ATP2B1: variants seen among roughly 807,000 people sequenced by gnomAD.
ATP2B1 encodes ATPase plasma membrane Ca2+ transporting 1, also known as plasma membrane calcium-transporting ATPase 1.
In ATP2B1, 14 loss-of-function variants were observed where a neutral mutation model predicts 124.2. The observed-to-expected ratio is 0.11, with a 90% CI of 0.07 to 0.18. ATP2B1 has a LOEUF of 0.18. ATP2B1 is among the 10% of genes least tolerant of loss of function. The probability of loss-of-function intolerance (pLI) is 1.00; values close to 1 mark genes in which losing one functional copy is unlikely to be tolerated. For synonymous variants in ATP2B1, 449 were observed against 492.4 expected (o/e 0.91, Z 1.17); for missense variants, 763 against 1,466.1 (o/e 0.52, Z 7.83).
intron 1 of ATP2B1, among the ~76,000 whole-genome samples, chr12:89,673,403 A>G (rs1888232118): frequency 1.3e-5 from 2 of 152,208 alleles, no homozygotes; most frequent in African/African-American, 4.8e-5. Context: ...TAAATATAAA[A>G]GCACTTCTGA....
chr12:89,677,969 TATACACACACACACAC>T (rs1456100954), intron 1 of ATP2B1, among the ~76,000 whole-genome samples: 2 of 59,538 alleles, frequency 3.4e-5, no homozygotes, highest in Admixed American at 1.9e-4. Flanking sequence ...TATATATATA[TATACACACACACACAC>T]ACACACACAC....
rs937781498 is a variant in ATP2B1 at position 89,702,250 on chromosome 12, C to A, written c.-222+6346G>T. Among the ~76,000 whole-genome samples the A allele has an allele frequency of 2.0e-5, 3 of 152,020 alleles. No homozygotes were observed. In the East Asian group the frequency reaches 5.8e-4, roughly 29 times the overall value. On this transcript the variant is annotated intron_variant, in intron 1 of 20. Coordinates refer to ENST00000428670, the MANE Select transcript of ATP2B1 (RefSeq NM_001366521.1). ...AAATCCCTATTAATATTTTTTGGAA[C>A]CAGCATTCTAAAACACAATTTAGAA...
intron 12 of ATP2B1, among the ~76,000 whole-genome samples, chr12:89,612,827 C>T (rs1878272133): frequency 6.6e-6 from 1 of 152,130 alleles, no homozygotes. Context: ...GGACCTTTAC[C>T]TTATCTTTGC....
chr12:89,644,546 GA>G (rs371864870), intron 2 of ATP2B1, among the ~76,000 whole-genome samples: 19 of 141,670 alleles, frequency 1.3e-4, no homozygotes, highest in African/African-American at 3.1e-4. Context: ...AAAAAAAAAA[GA>G]AAAAAAAAAG....
intron 1 of ATP2B1, among the ~76,000 whole-genome samples, chr12:89,686,961 C>G (rs1183593526): frequency 1.3e-5 from 2 of 152,012 alleles, no homozygotes; most frequent in African/African-American, 2.4e-5. Flanking sequence ...TTGACCCTCT[C>G]TATCTGTGGG....
intron 2 of ATP2B1, among the ~76,000 whole-genome samples, chr12:89,651,140 G>C (rs1311263696): frequency 6.6e-6 from 1 of 152,186 alleles, no homozygotes; most frequent in Non-Finnish European, 1.5e-5. Flanking sequence ...TTTTTAATAT[G>C]AAAATTATAT....
At position 89,590,722 on chromosome 12, in the gene ATP2B1, A is replaced by G. The variant is rs1424041626; in HGVS notation, c.*262T>C. 2.5e-6 allele frequency: 1 copy of G among 402,718 alleles called. No homozygotes were observed. Among genetic ancestry groups the G allele is most frequent in the Middle Eastern group, 7.3e-4 (1 of 1,364 alleles). The allele number at this position is 402,718 out of a possible 1,614,324, so 24.9% of individuals were successfully genotyped here. A position where few individuals can be genotyped will look rare whatever the true frequency, so the allele number is the denominator to read the frequency against. ...ACACTGTTCAGGACCATGCTTGGGT[A>G]CTACTGATGATCCACAGGTCACTTA... On this transcript the variant is annotated 3_prime_UTR_variant, in exon 21 of 21. Transcript: ENST00000428670.
At chr12:89,686,367 C>A (rs1170232904) in intron 1 of ATP2B1, among the ~76,000 whole-genome samples, 1 of 152,072 alleles carries the variant, frequency 6.6e-6, no homozygotes, top group Non-Finnish European at 1.5e-5. Flanking sequence ...AAAGACCAGA[C>A]CCCCTTCTCA....
intron 18 of ATP2B1, among the ~76,000 whole-genome samples, 154 bp from the exon 19 acceptor site, chr12:89,601,587 T>G (rs1367166613): frequency 6.6e-6 from 1 of 152,182 alleles, no homozygotes; most frequent in Non-Finnish European, 1.5e-5. Flanking sequence ...ATAAGACAAC[T>G]GAAATAGACC....
chr12:89,611,132 G>A, intron 13 of ATP2B1, 61 bp downstream of exon 13: 1 of 1,442,724 alleles, frequency 6.9e-7, no homozygotes. Context: ...TGTTTGTTGA[G>A]TTAAATTCCT....
chr12:89,606,825 C>T (rs1319353543), intron 15 of ATP2B1, among the ~76,000 whole-genome samples: 3 of 152,086 alleles, frequency 2.0e-5, no homozygotes, highest in Non-Finnish European at 4.4e-5. Flanking sequence ...ATCCACCCGC[C>T]TCGGCCTCCC....
At chr12:89,706,927 T>C (rs962035181) in intron 1 of ATP2B1, among the ~76,000 whole-genome samples, 3 of 152,166 alleles carry the variant, frequency 2.0e-5, no homozygotes, top group African/African-American at 7.2e-5. Flanking sequence ...AATTTAGCTG[T>C]CTTATCTAAA....
chr12:89,610,293 G>A (rs916725867), intron 14 of ATP2B1, 128 bp downstream of exon 14: 2 of 871,382 alleles, frequency 2.3e-6, no homozygotes, highest in Non-Finnish European at 3.6e-6. Flanking sequence ...CAAAGGAAAT[G>A]TATTTAGATT....
chr12:89,688,587 A>G (rs1300699383), intron 1 of ATP2B1, among the ~76,000 whole-genome samples: 2 of 152,088 alleles, frequency 1.3e-5, no homozygotes, highest in East Asian at 3.8e-4. Flanking sequence ...CTAGTATCTG[A>G]AACTATAGGT....
At chr12:89,612,069 C>T (rs1878118274) in intron 12 of ATP2B1, 1 of 152,190 alleles carries the variant, frequency 6.6e-6, no homozygotes, top group Admixed American at 6.5e-5. Flanking sequence ...ACTTGCCCTG[C>T]ATCATGTCTC....
chr12:89,664,692 A>G (rs1026000673), intron 1 of ATP2B1, among the ~76,000 whole-genome samples: 5 of 152,184 alleles, frequency 3.3e-5, no homozygotes, highest in East Asian at 1.9e-4. Flanking sequence ...AACTTCTCAG[A>G]TAACAGTGAT....
At chr12:89,681,738 T>A (rs988398127) in intron 1 of ATP2B1, among the ~76,000 whole-genome samples, 1 of 152,166 alleles carries the variant, frequency 6.6e-6, no homozygotes, top group Admixed American at 6.5e-5. Flanking sequence ...AGTCCAATAT[T>A]AGAAAATCTG....
At chr12:89,690,582 A>T (rs938068758) in intron 1 of ATP2B1, among the ~76,000 whole-genome samples, 1 of 149,828 alleles carries the variant, frequency 6.7e-6, no homozygotes, top group African/African-American at 2.4e-5. Flanking sequence ...GCTTTTTTTA[A>T]AAAAAAAAAA....
At position 89,620,154 on chromosome 12, in the gene ATP2B1, C is replaced by G. The variant is rs1358498321; in HGVS notation, c.1674G>C (p.Arg558=). ...TTTCATTTCTAACATCCTGATAATCCCGTTTTAAATCCAAAAGAAGTCCCA... is the reference window on the plus strand; with the variant it reads ...TTTCATTTCTAACATCCTGATAATCGCGTTTTAAATCCAAAAGAAGTCCCA... ...ALLGLLLDLK[R]DYQDVRNEIP... Residue 558 remains arginine, a synonymous_variant, in exon 11 of 21, where the codon CGG becomes CGC. Coordinates refer to ENST00000428670, the MANE Select transcript of ATP2B1 (RefSeq NM_001366521.1). 1 of 1,613,872 alleles carries G rather than the reference C, an allele frequency of 6.2e-7. No individual in the cohort carries two copies. The highest frequency in any genetic ancestry group is 8.5e-7 in the Non-Finnish European group (1 of 1,179,988).
Sources: allele counts gnomAD v4.1 joint callset (sites outside exome capture counted in the v4.1 genomes callset), GRCh38; gene constraint gnomAD v4.1.1; transcripts MANE v1.5; gene names NCBI Gene and HGNC (gene_info 2026-07-23, HGNC 2026-07-21).